Variants in CSGALNACT1 observed in about 807,000 individuals in gnomAD.
The protein encoded by CSGALNACT1 is chondroitin sulfate N-acetylgalactosaminyltransferase 1.
In CSGALNACT1, 52 loss-of-function variants were observed where a neutral mutation model predicts 51.0. The observed-to-expected ratio is 1.02, with a 90% CI of 0.82 to 1.29. The LOEUF (loss-of-function observed/expected upper bound fraction) is 1.29. Among genes scored for constraint, CSGALNACT1 ranks in the 50% most tolerant of loss-of-function variants. CSGALNACT1 has a pLI of 0.00. For missense variants in CSGALNACT1, 935 were observed against 679.2 expected, an observed-to-expected ratio of 1.38 and a Z score of -4.19; for synonymous variants, 341 against 254.4, an observed-to-expected ratio of 1.34 and a Z score of -3.24.
chr8:19,570,219 T>G (rs1037900546), intron 3 of CSGALNACT1, among the ~76,000 whole-genome samples: 1 of 152,178 alleles, frequency 6.6e-6, no homozygotes, highest in Non-Finnish European at 1.5e-5. Context: ...AAGTTATACC[T>G]CATTAGAAAG....
At chr8:19,660,138 G>C (rs1241673000) in intron 1 of CSGALNACT1, among the ~76,000 whole-genome samples, 2 of 152,204 alleles carry the variant, frequency 1.3e-5, no homozygotes, top group African/African-American at 2.4e-5. Flanking sequence ...GGGCTTCAGA[G>C]TTCACATTCT....
chr8:19,526,453 C>G (rs560577085), intron 3 of CSGALNACT1, among the ~76,000 whole-genome samples: 2 of 152,058 alleles, frequency 1.3e-5, no homozygotes, highest in African/African-American at 4.8e-5. Context: ...CATGGTGGTA[C>G]GCGCCTGTAG....
chr8:19,699,651 T>C (rs1291534043), intron 1 of CSGALNACT1, among the ~76,000 whole-genome samples: 1 of 152,192 alleles, frequency 6.6e-6, no homozygotes, highest in Admixed American at 6.5e-5. Flanking sequence ...GAACAGGAGT[T>C]CTTGTTTAAT....
chr8:19,666,156 G>T (rs1332834431), intron 1 of CSGALNACT1, among the ~76,000 whole-genome samples: 1 of 152,188 alleles, frequency 6.6e-6, no homozygotes, highest in Admixed American at 6.5e-5. Flanking sequence ...GTGCTCCACG[G>T]AAGCTGGATT....
intron 4 of CSGALNACT1, among the ~76,000 whole-genome samples, chr8:19,467,605 C>G (rs367975822): frequency 6.6e-6 from 1 of 151,982 alleles, no homozygotes; most frequent in African/African-American, 2.4e-5. Flanking sequence ...TCGCGGAGTT[C>G]AAATGCAAAT....
chr8:19,597,281 CTTTCTTTTTTTTTTTTTTT>C (rs887624283), intron 2 of CSGALNACT1, among the ~76,000 whole-genome samples: 6 of 98,226 alleles, frequency 6.1e-5, no homozygotes, highest in African/African-American at 2.0e-4. Flanking sequence ...CCTCTATCTT[CTTTCTTTTTTTTTTTTTTT>C]TTTTTTTTTT....
intron 7 of CSGALNACT1, among the ~76,000 whole-genome samples, 192 bp from the exon 7 acceptor site, chr8:19,418,942 G>A (rs1465589769): frequency 2.0e-5 from 3 of 152,076 alleles, no homozygotes; most frequent in Non-Finnish European, 2.9e-5. Flanking sequence ...TGCCTCCTGG[G>A]TTCAAGTGAT....
intron 1 of CSGALNACT1, among the ~76,000 whole-genome samples, chr8:19,752,314 G>A (rs1392987949): frequency 6.6e-6 from 1 of 151,826 alleles, no homozygotes; most frequent in Non-Finnish European, 1.5e-5. Flanking sequence ...TATGCAGGTT[G>A]TGCCGCAAAG....
chr8:19,739,173 A>C (rs763724882), intron 1 of CSGALNACT1, among the ~76,000 whole-genome samples: 4 of 151,792 alleles, frequency 2.6e-5, no homozygotes, highest in Non-Finnish European at 5.9e-5. Context: ...TCAAGGAAAA[A>C]TCTAGTAGGC....
chr8:19,755,782 A>G lies in CSGALNACT1; in HGVS notation c.-297+2068T>C, dbSNP rs1233808335. On this transcript the variant is annotated intron_variant, in intron 1 of 1. Transcript: ENST00000517494. ...TTAAAACCCACTAATACATTTTACAAATAGACATATAAGATTTAGCACACA... is the reference window on the plus strand; with the variant it reads ...TTAAAACCCACTAATACATTTTACAGATAGACATATAAGATTTAGCACACA... Among the ~76,000 whole-genome samples the G allele has an allele frequency of 2.6e-5, 4 of 152,346 alleles. 1 individual carries two copies. Among genetic ancestry groups the G allele is most frequent in the African/African-American group, 2.4e-5 (1 of 41,582 alleles).
intron 3 of CSGALNACT1, among the ~76,000 whole-genome samples, chr8:19,564,367 T>TC (rs2041465618): frequency 6.6e-6 from 1 of 151,832 alleles, no homozygotes; most frequent in Admixed American, 6.6e-5. Context: ...CTCAGAAATT[T>TC]CAATTTCGTT....
intron 3 of CSGALNACT1, among the ~76,000 whole-genome samples, chr8:19,562,103 C>T (rs1172398059): frequency 6.6e-6 from 1 of 152,124 alleles, no homozygotes; most frequent in Non-Finnish European, 1.5e-5. Flanking sequence ...TGCTGTGGTC[C>T]CACTCTGAGC....
chr8:19,468,765 A>G (rs2067328274), intron 4 of CSGALNACT1, among the ~76,000 whole-genome samples: 1 of 152,142 alleles, frequency 6.6e-6, no homozygotes, highest in South Asian at 2.1e-4. Flanking sequence ...TGATTTGAAG[A>G]GGTGTATGAG....
intron 3 of CSGALNACT1, among the ~76,000 whole-genome samples, chr8:19,556,716 T>A (rs1299049400): frequency 6.6e-6 from 1 of 151,996 alleles, no homozygotes; most frequent in Non-Finnish European, 1.5e-5. Flanking sequence ...TAGGATAATT[T>A]CTCCAGTGCC....
intron 1 of CSGALNACT1, among the ~76,000 whole-genome samples, chr8:19,738,080 G>T (rs1343063849): frequency 6.6e-6 from 1 of 152,148 alleles, no homozygotes; most frequent in Non-Finnish European, 1.5e-5. Flanking sequence ...AAATGAAGTA[G>T]CCAGGCGCCA....
chr8:19,482,495 G>A (rs1397805232), intron 4 of CSGALNACT1, among the ~76,000 whole-genome samples: 1 of 152,056 alleles, frequency 6.6e-6, no homozygotes, highest in Non-Finnish European at 1.5e-5. Context: ...AATAGATCCT[G>A]TAAATTCTTA....
intron 6 of CSGALNACT1, among the ~76,000 whole-genome samples, chr8:19,426,958 A>G (rs1468721949): frequency 1.3e-5 from 2 of 152,252 alleles, no homozygotes; most frequent in Non-Finnish European, 2.9e-5. Context: ...GAAAACTAGT[A>G]TTATATCCAA....
At chr8:19,740,233 C>A (rs1026279363) in intron 1 of CSGALNACT1, among the ~76,000 whole-genome samples, 2 of 152,216 alleles carry the variant, frequency 1.3e-5, no homozygotes, top group Non-Finnish European at 2.9e-5. Context: ...CTCCAACACG[C>A]TTGGCAGCGG....
intron 3 of CSGALNACT1, among the ~76,000 whole-genome samples, chr8:19,590,096 C>T (rs917916372): frequency 6.6e-6 from 1 of 152,186 alleles, no homozygotes; most frequent in Non-Finnish European, 1.5e-5. Context: ...ATCTCTGCCT[C>T]CTGCCCAAGT....
Sources: allele counts gnomAD v4.1 joint callset (sites outside exome capture counted in the v4.1 genomes callset), GRCh38; gene constraint gnomAD v4.1.1; transcripts MANE v1.5; gene names NCBI Gene and HGNC (gene_info 2026-07-23, HGNC 2026-07-21).